The following ATRNL1 variants were observed in gnomAD, a reference collection of about 807,000 sequenced individuals.
ATRNL1 encodes attractin-like protein 1.
A neutral mutation model predicts 182.7 loss-of-function variants in ATRNL1; 95 were observed. The observed-to-expected ratio is 0.52, with a 90% CI of 0.44 to 0.62. The LOEUF (loss-of-function observed/expected upper bound fraction) is 0.62. Among genes scored for constraint, ATRNL1 ranks in the 20% least tolerant of loss-of-function variants. The pLI is 0.00. For missense variants in ATRNL1, 1,471 were observed against 1,679.5 expected, an observed-to-expected ratio of 0.88 and a Z score of 2.17; for synonymous variants, 576 against 568.3, an observed-to-expected ratio of 1.01 and a Z score of -0.19.
At chr10:115,821,279 T>C (rs1341007592) in intron 27 of ATRNL1, among the ~76,000 whole-genome samples, 1 of 152,142 alleles carries the variant, frequency 6.6e-6, no homozygotes, top group Non-Finnish European at 1.5e-5. Flanking sequence ...AAAAGTAGCT[T>C]GTGTGAATTT....
chr10:115,382,274 G>A (rs1858059105), intron 19 of ATRNL1, among the ~76,000 whole-genome samples: 1 of 152,034 alleles, frequency 6.6e-6, no homozygotes, highest in African/African-American at 2.4e-5. Context: ...AATCTATAGA[G>A]TAAATTTATA....
intron 19 of ATRNL1, among the ~76,000 whole-genome samples, chr10:115,340,300 G>A (rs569037504): frequency 8.6e-5 from 13 of 152,046 alleles, no homozygotes; most frequent in African/African-American, 2.9e-4. Context: ...GTGCCAACAA[G>A]CCTGGTTAAT....
chr10:115,579,190 T>A (rs959849223), intron 26 of ATRNL1, among the ~76,000 whole-genome samples: 5 of 151,790 alleles, frequency 3.3e-5, no homozygotes, highest in Non-Finnish European at 7.4e-5. Context: ...TTGAATAGAA[T>A]GTTCTATATA....
intron 26 of ATRNL1, among the ~76,000 whole-genome samples, chr10:115,587,541 C>T (rs1592903305): frequency 6.6e-6 from 1 of 150,548 alleles, no homozygotes; most frequent in Admixed American, 6.7e-5. Context: ...ATCTGTCACC[C>T]CTTTCTTCGA....
chr10:115,440,692 A>T (rs1846626882), intron 21 of ATRNL1, among the ~76,000 whole-genome samples: 1 of 151,616 alleles, frequency 6.6e-6, no homozygotes, highest in South Asian at 2.1e-4. Flanking sequence ...TCTTCTATCT[A>T]CTTGTGTAGC....
rs1264226986 is a variant in ATRNL1 at position 115,462,055 on chromosome 10, T to A, written c.3417+20T>A. On this transcript the variant is annotated intron_variant, in intron 22 of 28. Transcript: ENST00000355044. ...GAACAGGTGAGGAAAAATTGTTATC[T>A]TTTAAAGTATAATTATTGGACACAA... 4 of 1,540,706 alleles carry A rather than the reference T, an allele frequency of 2.6e-6. No individual in the cohort carries two copies. Among genetic ancestry groups the A allele is most frequent in the Admixed American group, 1.9e-5 (1 of 53,800 alleles).
intron 26 of ATRNL1, among the ~76,000 whole-genome samples, chr10:115,649,352 T>A (rs1555033694): frequency 6.6e-6 from 1 of 152,162 alleles, no homozygotes; most frequent in East Asian, 1.9e-4. Context: ...AATTAACGTT[T>A]TATTTCCAGC....
intron 25 of ATRNL1, 99 bp from the exon 26 acceptor site, chr10:115,549,359 T>C: frequency 6.4e-6 from 4 of 626,968 alleles, no homozygotes; most frequent in Non-Finnish European, 9.7e-6. Flanking sequence ...ACAAAGTTAT[T>C]ACTTATATAT....
At chr10:115,712,838 A>G (rs1205517525) in intron 26 of ATRNL1, among the ~76,000 whole-genome samples, 1 of 151,544 alleles carries the variant, frequency 6.6e-6, no homozygotes, top group African/African-American at 2.4e-5. Flanking sequence ...ACTTAACTCC[A>G]GGCTGGGCGA....
At chr10:115,698,809 CA>C (rs1235936794) in intron 26 of ATRNL1, among the ~76,000 whole-genome samples, 4 of 150,432 alleles carry the variant, frequency 2.7e-5, no homozygotes, top group African/African-American at 7.3e-5. Flanking sequence ...GTGAGTAGAC[CA>C]AAAAAAAGAG....
At chr10:115,534,745 C>G (rs1168041581) in intron 25 of ATRNL1, among the ~76,000 whole-genome samples, 2 of 151,194 alleles carry the variant, frequency 1.3e-5, no homozygotes, top group Non-Finnish European at 3.0e-5. Context: ...CAGCTGGTAC[C>G]GGTTGTTCCT....
chr10:115,903,335 A>G (rs1952409313), intron 28 of ATRNL1, among the ~76,000 whole-genome samples: 1 of 151,974 alleles, frequency 6.6e-6, no homozygotes, highest in South Asian at 2.1e-4. Flanking sequence ...ACTGCCCTCC[A>G]TTTCCCTGGC....
At chr10:115,240,007 C>G (rs1850349924) in intron 9 of ATRNL1, among the ~76,000 whole-genome samples, 2 of 152,080 alleles carry the variant, frequency 1.3e-5, no homozygotes, top group South Asian at 4.1e-4. Context: ...GAATTTCTAT[C>G]ATGCTGAATT....
intron 13 of ATRNL1, among the ~76,000 whole-genome samples, chr10:115,277,932 T>C (rs189718597): frequency 1.3e-5 from 2 of 152,306 alleles, no homozygotes; most frequent in East Asian, 1.9e-4. Flanking sequence ...GTGACAGATA[T>C]ATACAGAAGA....
intron 26 of ATRNL1, among the ~76,000 whole-genome samples, chr10:115,709,526 T>G (rs782449912): frequency 1.3e-5 from 2 of 151,546 alleles, no homozygotes; most frequent in Non-Finnish European, 3.0e-5. Context: ...TAAAAGGGAA[T>G]GGAAAAGGCA....
intron 21 of ATRNL1, among the ~76,000 whole-genome samples, chr10:115,457,616 C>T (rs1847590377): frequency 6.6e-6 from 1 of 151,994 alleles, no homozygotes; most frequent in East Asian, 1.9e-4. Context: ...ACCCCTCATC[C>T]TCCATTCTCT....
intron 27 of ATRNL1, among the ~76,000 whole-genome samples, chr10:115,798,656 T>G (rs2134229289): frequency 6.6e-6 from 1 of 152,308 alleles, no homozygotes; most frequent in South Asian, 2.1e-4. Flanking sequence ...TTGTTCAGTC[T>G]CAGAACTTGA....
chr10:115,749,448 T>C (rs1948385146), intron 27 of ATRNL1, among the ~76,000 whole-genome samples: 1 of 151,888 alleles, frequency 6.6e-6, no homozygotes, highest in Non-Finnish European at 1.5e-5. Context: ...ATACATAGTT[T>C]TCATTATATA....
intron 20 of ATRNL1, among the ~76,000 whole-genome samples, chr10:115,420,197 C>T (rs181559993): frequency 1.3e-5 from 2 of 152,070 alleles, no homozygotes; most frequent in Admixed American, 1.3e-4. Context: ...GTGCCTGCCA[C>T]CATGCCTGGC....
Sources: allele counts gnomAD v4.1 joint callset (sites outside exome capture counted in the v4.1 genomes callset), GRCh38; gene constraint gnomAD v4.1.1; transcripts MANE v1.5; gene names NCBI Gene and HGNC (gene_info 2026-07-23, HGNC 2026-07-21).